AFAP1: variants seen among roughly 807,000 people sequenced by gnomAD.
AFAP1 encodes the protein actin filament-associated protein 1.
A neutral mutation model predicts 93.9 loss-of-function variants in AFAP1; 75 were observed. That is an observed-to-expected ratio of 0.80 (90% CI 0.66 to 0.97). The LOEUF is 0.97. Ranked by LOEUF, AFAP1 falls within the 50% of genes least tolerant of loss-of-function variation. AFAP1 has a pLI of 0.00. For missense variants in AFAP1, 1,201 were observed against 1,050.8 expected (o/e 1.14, Z -1.98); for synonymous variants, 517 against 430.7 (o/e 1.20, Z -2.48).
intron 1 of AFAP1, among the ~76,000 whole-genome samples, chr4:7,898,442 C>A (rs1053316084): frequency 2.0e-5 from 3 of 151,874 alleles, no homozygotes; most frequent in African/African-American, 7.3e-5. Context: ...CAACCCACCT[C>A]TCTCCTTCCG....
chr4:7,787,049 G>T (rs1717361298), intron 11 of AFAP1, among the ~76,000 whole-genome samples: 1 of 152,242 alleles, frequency 6.6e-6, no homozygotes, highest in South Asian at 2.1e-4. Flanking sequence ...TAATAAATAT[G>T]TATTTTGGTC....
At chr4:7,814,855 A>G (rs1472298527) in intron 8 of AFAP1, among the ~76,000 whole-genome samples, 1 of 152,148 alleles carries the variant, frequency 6.6e-6, no homozygotes, top group African/African-American at 2.4e-5. Context: ...GTGTTTGTCA[A>G]AACTCACCAA....
intron 11 of AFAP1, among the ~76,000 whole-genome samples, chr4:7,786,836 G>T (rs1205928229): frequency 6.6e-6 from 1 of 152,192 alleles, no homozygotes; most frequent in African/African-American, 2.4e-5. Context: ...GTTACTGTCT[G>T]GTCTCTTTTG....
chr4:7,873,204 C>T (rs1364797968), intron 1 of AFAP1, among the ~76,000 whole-genome samples: 3 of 132,592 alleles, frequency 2.3e-5, no homozygotes, highest in Non-Finnish European at 4.7e-5. Flanking sequence ...GATTGCACCA[C>T]TGCACTCCAG....
chr4:7,855,971 G>A (rs1424178250), intron 3 of AFAP1, among the ~76,000 whole-genome samples: 20 of 152,128 alleles, frequency 1.3e-4, no homozygotes, highest in Admixed American at 1.3e-3. Context: ...AACCCTCGCA[G>A]GCCTCAGACG....
chr4:7,763,852 C>G (rs748633860), intron 17 of AFAP1, 61 bp from the exon 18 acceptor site: 44 of 1,522,148 alleles, frequency 2.9e-5, no homozygotes, highest in Non-Finnish European at 3.4e-5. Flanking sequence ...GGACAAGCCA[C>G]GCCACCATCC....
intron 4 of AFAP1, among the ~76,000 whole-genome samples, chr4:7,851,016 G>T (rs1430238090): frequency 1.8e-5 from 1 of 55,642 alleles, no homozygotes; most frequent in African/African-American, 5.1e-5. Context: ...TATCCCCATT[G>T]TAATTTCTGC....
intron 1 of AFAP1, among the ~76,000 whole-genome samples, chr4:7,908,562 T>C (rs1719556843): frequency 6.6e-6 from 1 of 152,254 alleles, no homozygotes. Flanking sequence ...AACTTGTGGA[T>C]TTATCTTGTG....
intron 3 of AFAP1, among the ~76,000 whole-genome samples, chr4:7,865,223 T>C (rs1481586016): frequency 6.6e-6 from 1 of 152,178 alleles, no homozygotes. Flanking sequence ...GTGATTTTTA[T>C]AGCAATTAAG....
intron 3 of AFAP1, among the ~76,000 whole-genome samples, chr4:7,864,780 G>A (rs150329092): frequency 0.019 from 2,831 of 152,262 alleles, 41 homozygotes; most frequent in Non-Finnish European, 0.029. Context: ...TGCCAAAGCC[G>A]AGTTGATGAT....
At chr4:7,936,356 C>T (rs995886797) in intron 1 of AFAP1, among the ~76,000 whole-genome samples, 3 of 149,662 alleles carry the variant, frequency 2.0e-5, no homozygotes, top group African/African-American at 7.7e-5. Context: ...GAAAGGGTTT[C>T]ACTCCGTCAC....
intron 3 of AFAP1, among the ~76,000 whole-genome samples, chr4:7,860,065 C>A (rs536827902): frequency 1.3e-5 from 2 of 152,220 alleles, no homozygotes; most frequent in East Asian, 3.9e-4. Context: ...ACTGCTCGAG[C>A]CCGGGAAGTC....
chr4:7,811,391 A>G (rs1472905751), intron 8 of AFAP1, among the ~76,000 whole-genome samples: 3 of 151,698 alleles, frequency 2.0e-5, no homozygotes, highest in Middle Eastern at 6.8e-3. Flanking sequence ...ACACAAGACG[A>G]CGCGCCCTGG....
intron 1 of AFAP1, among the ~76,000 whole-genome samples, chr4:7,908,315 C>A (rs1294746496): frequency 6.6e-6 from 1 of 152,220 alleles, no homozygotes; most frequent in Non-Finnish European, 1.5e-5. Context: ...GCCCCTTTAT[C>A]TTAATACTCG....
At chr4:7,783,680 A>C (rs1716993665) in intron 12 of AFAP1, among the ~76,000 whole-genome samples, 1 of 152,270 alleles carries the variant, frequency 6.6e-6, no homozygotes, top group Non-Finnish European at 1.5e-5. Context: ...AATAGCCTAA[A>C]GAACACTTGC....
intron 11 of AFAP1, among the ~76,000 whole-genome samples, chr4:7,791,412 G>A (rs910702631): frequency 2.0e-5 from 3 of 152,168 alleles, no homozygotes; most frequent in East Asian, 1.9e-4. Context: ...TTCTACAGAA[G>A]GCAGCAGAGG....
intron 3 of AFAP1, among the ~76,000 whole-genome samples, chr4:7,856,627 C>A (rs780801913): frequency 6.6e-6 from 1 of 152,206 alleles, no homozygotes; most frequent in African/African-American, 2.4e-5. Context: ...TGGGGGCTCA[C>A]TCCGCGCCTC....
At chr4:7,885,255 C>T (rs1010415270) in intron 1 of AFAP1, among the ~76,000 whole-genome samples, 1 of 152,206 alleles carries the variant, frequency 6.6e-6, no homozygotes, top group African/African-American at 2.4e-5. Context: ...TGTCACACTT[C>T]AGGCCTTCTC....
chr4:7,800,878 A>T (rs1304869121), intron 9 of AFAP1, among the ~76,000 whole-genome samples: 1 of 152,220 alleles, frequency 6.6e-6, no homozygotes, highest in Non-Finnish European at 1.5e-5. Flanking sequence ...CCGTATCTGG[A>T]AGCCCCTCAT....
Sources: allele counts gnomAD v4.1 joint callset (sites outside exome capture counted in the v4.1 genomes callset), GRCh38; gene constraint gnomAD v4.1.1; transcripts MANE v1.5; gene names NCBI Gene and HGNC (gene_info 2026-07-23, HGNC 2026-07-21).